USP8: variants seen among roughly 807,000 people sequenced by gnomAD.
USP8 encodes ubiquitin carboxyl-terminal hydrolase 8.
In USP8, 27 loss-of-function variants were observed where a neutral mutation model predicts 130.0. That is an observed-to-expected ratio of 0.21 (90% CI 0.15 to 0.29). USP8 has a LOEUF of 0.29. Among genes scored for constraint, USP8 ranks in the 10% least tolerant of loss-of-function variants. The probability of loss-of-function intolerance (pLI) is 1.00; values close to 1 mark genes in which losing one functional copy is unlikely to be tolerated. For missense variants in USP8, 1,029 were observed against 1,312.2 expected, an observed-to-expected ratio of 0.78 and a Z score of 3.33; for synonymous variants, 392 against 444.1, an observed-to-expected ratio of 0.88 and a Z score of 1.48.
rs11857513 is a variant in USP8 at position 50,497,226 on chromosome 15, G to C, written c.3033G>C (p.Leu1011=). 24 of 1,602,462 alleles carry C rather than the reference G, an allele frequency of 1.5e-5. No individual in the cohort carries two copies. Among genetic ancestry groups the C allele is most frequent in the Non-Finnish European group, 1.8e-5 (21 of 1,176,844 alleles). Reference sequence around the variant, plus strand: ...TACCACCTGTGCTTTTAGTGCATCTGAAACGGTAAAGGGGAAAGTTTGTCC... The same window carrying C: ...TACCACCTGTGCTTTTAGTGCATCTCAAACGGTAAAGGGGAAAGTTTGTCC... The part of the protein sequence containing the change: ...WKLPPVLLVH[L]KRFSYDGRWK... The change falls in exon 18 of 20, where the codon CTG becomes CTC. Residue 1011 remains leucine (L), a synonymous_variant. Transcript: ENST00000307179.
intron 1 of USP8, among the ~76,000 whole-genome samples, chr15:50,431,251 G>A (rs904035976): frequency 6.8e-6 from 1 of 147,904 alleles, no homozygotes; most frequent in African/African-American, 2.5e-5. Context: ...ACCATTTTGT[G>A]TTCTTTTCTG....
intron 1 of USP8, among the ~76,000 whole-genome samples, chr15:50,436,527 C>G (rs1440664995): frequency 1.3e-5 from 2 of 152,148 alleles, no homozygotes; most frequent in Non-Finnish European, 2.9e-5. Flanking sequence ...GAGACGGAAT[C>G]TCACTTTGTT....
At chr15:50,493,026 A>G (rs776644912) in intron 15 of USP8, 113 bp downstream of exon 15, 44 of 1,108,470 alleles carry the variant, frequency 4.0e-5, no homozygotes, top group Admixed American at 2.2e-4. Flanking sequence ...AAGACTAGAT[A>G]ATTTGTAAAG....
intron 12 of USP8, 25 bp downstream of exon 12, chr15:50,484,386 A>T (rs761075221): frequency 6.3e-7 from 1 of 1,589,890 alleles, no homozygotes; most frequent in Non-Finnish European, 8.6e-7. Flanking sequence ...GCAGGAAAAA[A>T]CTGGAAAAAA....
rs574465468 is a variant in USP8, at chr15:50,486,604, T to C, written c.1890+2243T>C. Among the ~76,000 whole-genome samples the C allele has an allele frequency of 4.6e-5, 7 of 152,330 alleles. No individual in the cohort carries two copies. In the East Asian group the frequency reaches 1.2e-3, roughly 25 times the overall value. ...AAGAGCCACAGCAACAACAAACCCATTGATATTTATACAAAAAAAGTTCAT... is the reference window on the plus strand; with the variant it reads ...AAGAGCCACAGCAACAACAAACCCACTGATATTTATACAAAAAAAGTTCAT... On this transcript the variant is annotated intron_variant, in intron 12 of 19. Transcript: ENST00000307179.
At chr15:50,485,869 A>G (rs1285488637) in intron 12 of USP8, among the ~76,000 whole-genome samples, 2 of 152,148 alleles carry the variant, frequency 1.3e-5, no homozygotes, top group Admixed American at 6.6e-5. Context: ...CCTCCTATAT[A>G]CTTTAAATCA....
rs2052567730 is a variant in USP8 at position 50,500,699 on chromosome 15, A to G, written c.*1611A>G. On this transcript the variant is annotated 3_prime_UTR_variant, in exon 20 of 20. Coordinates refer to ENST00000307179, the MANE Select transcript of USP8 (RefSeq NM_005154.5). ...ATGGAAAAGGGCTGGCAGCTATAGA[A>G]CAGGAGATCCATAGCATTTTGAACA... is the stretch of plus-strand genomic sequence containing the variant. The G allele has an allele frequency of 1.4e-6, 2 of 1,423,722 alleles. No individual in the cohort carries two copies. Among genetic ancestry groups the G allele is most frequent in the African/African-American group, 2.8e-5 (2 of 70,664 alleles). 88.2% of individuals were successfully genotyped at this position (1,423,722 alleles called of 1,614,324 possible). A position where few individuals can be genotyped will look rare whatever the true frequency, so the allele number is the denominator to read the frequency against.
At position 50,496,073 on chromosome 15, in the gene USP8, T is replaced by C; in HGVS notation, c.2884T>C (p.Cys962Arg). The C allele has an allele frequency of 6.2e-7, 1 of 1,608,662 alleles. No homozygotes were observed. Among genetic ancestry groups the C allele is most frequent in the Non-Finnish European group, 8.5e-7 (1 of 1,176,706 alleles). Residue 962 changes from cysteine to arginine, a missense_variant, in exon 17 of 20, where the codon TGT becomes CGT. Transcript: ENST00000307179. ...TCTACCACTAGCATCCACAAGTAAA[T>C]GTACATTACAGGTAAGTTTAAGAAG... ...LSLPLASTSK[C>R]TLQDCLRLFS... is the part of the protein sequence containing the mutation.
chr15:50,461,456 C>CCA (rs2051000370), intron 5 of USP8, among the ~76,000 whole-genome samples: 1 of 108,686 alleles, frequency 9.2e-6, no homozygotes, highest in Non-Finnish European at 1.8e-5. Flanking sequence ...ACCCTATCTC[C>CCA]AAAAAAAAAA....
chr15:50,493,825 C>T (rs2052269882), intron 15 of USP8: 1 of 646,554 alleles, frequency 1.5e-6, no homozygotes, highest in Non-Finnish European at 2.8e-6. Flanking sequence ...ACCTCGCTGT[C>T]ATGAACTGGA....
intron 11 of USP8, among the ~76,000 whole-genome samples, chr15:50,482,894 C>G: frequency 6.6e-6 from 1 of 152,070 alleles, no homozygotes; most frequent in Non-Finnish European, 1.5e-5. Flanking sequence ...GGCATGTTAC[C>G]AAAATTAATT....
intron 10 of USP8, among the ~76,000 whole-genome samples, chr15:50,480,651 G>A (rs985591157): frequency 3.9e-5 from 6 of 152,084 alleles, no homozygotes; most frequent in Non-Finnish European, 7.4e-5. Context: ...TTTAAGGCAA[G>A]TATAGCTGGT....
intron 14 of USP8, among the ~76,000 whole-genome samples, chr15:50,491,199 AG>A (rs1410506014): frequency 6.6e-6 from 1 of 151,932 alleles, no homozygotes; most frequent in Admixed American, 6.6e-5. Flanking sequence ...TTTTGGGAGG[AG>A]GGGGGCAATA....
intron 4 of USP8, among the ~76,000 whole-genome samples, chr15:50,452,115 C>T (rs144521794): frequency 8.2e-4 from 125 of 152,284 alleles, no homozygotes; most frequent in African/African-American, 2.8e-3. Context: ...TAGTGAGTGG[C>T]TAGAAAATAG....
chr15:50,491,877 T>TCACG (rs2052182513), intron 14 of USP8, among the ~76,000 whole-genome samples: 3 of 152,190 alleles, frequency 2.0e-5, no homozygotes, highest in African/African-American at 7.2e-5. Context: ...AAGGAATTTT[T>TCACG]TTTTTTTGAG....
chr15:50,440,910 G>C (rs2050234407), intron 2 of USP8, among the ~76,000 whole-genome samples: 1 of 151,856 alleles, frequency 6.6e-6, no homozygotes, highest in Non-Finnish European at 1.5e-5. Flanking sequence ...GCTGAGGCAG[G>C]AGAATCACTT....
chr15:50,439,863 G>C (rs898531384), intron 2 of USP8, among the ~76,000 whole-genome samples: 3 of 151,210 alleles, frequency 2.0e-5, no homozygotes, highest in Non-Finnish European at 4.4e-5. Flanking sequence ...CAAGGTGGGC[G>C]GATCACCTGA....
Position 50,510,604 on chromosome 15 carries a change from G to T in USP8, c.*11516G>T, listed in dbSNP as rs1386423678. ...AAGAATGTGGTTAAGGGATTATTTT[G>T]ATCTATGAAGTGTCACGATACAAGA... On this transcript the variant is annotated 3_prime_UTR_variant, in exon 20 of 20. Coordinates refer to ENST00000307179, the MANE Select transcript of USP8 (RefSeq NM_005154.5). The T allele has an allele frequency of 6.6e-6, 1 of 152,078 alleles. No homozygotes were observed. The highest frequency in any genetic ancestry group is 1.5e-5 in the Non-Finnish European group (1 of 68,006). The allele number at this position is 152,078 out of a possible 1,614,324, so 9.4% of individuals were successfully genotyped here. A position where few individuals can be genotyped will look rare whatever the true frequency, so the allele number is the denominator to read the frequency against.
intron 4 of USP8, among the ~76,000 whole-genome samples, chr15:50,453,320 T>C (rs528809265): frequency 1.3e-5 from 2 of 152,366 alleles, no homozygotes; most frequent in African/African-American, 4.8e-5. Context: ...AACACACTGA[T>C]TTTCATAAAT....
Sources: gnomAD v4.1 joint callset for allele counts (sites outside exome capture counted in the v4.1 genomes callset) on GRCh38, gnomAD v4.1.1 for gene constraint, MANE v1.5 for transcripts, NCBI Gene and HGNC (gene_info 2026-07-23, HGNC 2026-07-21) for gene names.